KCNJ15: variants seen among roughly 807,000 people sequenced by gnomAD.
The protein encoded by KCNJ15 is potassium inwardly rectifying channel subfamily J member 15, also known as ATP-sensitive inward rectifier potassium channel 15.
A neutral mutation model predicts 23.0 loss-of-function variants in KCNJ15; 14 were observed. The observed-to-expected ratio is 0.61, with a 90% CI of 0.40 to 0.95. The LOEUF is 0.95. Ranked by LOEUF, KCNJ15 falls within the 40% of genes least tolerant of loss-of-function variation. KCNJ15 has a pLI of 0.00. For missense variants in KCNJ15, 388 were observed against 461.8 expected, an observed-to-expected ratio of 0.84 and a Z score of 1.46; for synonymous variants, 185 against 183.2, an observed-to-expected ratio of 1.01 and a Z score of -0.08.
At chr21:38,255,981 G>A (rs1208101956), upstream of KCNJ15, among the ~76,000 whole-genome samples, 9 of 152,128 alleles carry the variant, frequency 5.9e-5, no homozygotes. Context: ...CATTGCCTTT[G>A]GACCAGTGTA....
chr21:38,251,150 A>G (rs981467531), intron 1 of KCNJ15, among the ~76,000 whole-genome samples: 1 of 152,234 alleles, frequency 6.6e-6, no homozygotes, highest in Non-Finnish European at 1.5e-5. Context: ...TGGAGAAGGT[A>G]ACTGTACTTA....
rs1985847201 is a variant in KCNJ15, at chr21:38,302,171, T to TA, written c.*1782_*1783insA. 6.6e-6 allele frequency: 1 copy of TA among 152,254 alleles called. No homozygotes were observed. Among genetic ancestry groups the TA allele is most frequent in the Admixed American group, 6.5e-5 (1 of 15,286 alleles). 9.4% of individuals were successfully genotyped at this position (152,254 alleles called of 1,614,324 possible). A position where few individuals can be genotyped will look rare whatever the true frequency, so the allele number is the denominator to read the frequency against. On this transcript the variant is annotated 3_prime_UTR_variant, in exon 3 of 3. Transcript: ENST00000398938. ...TAAGACAGCAAGTCCTTGACAAATA[T>TA]GTTCATGTCTATTTGGTTCTAGTTC...
intron 1 of KCNJ15, among the ~76,000 whole-genome samples, chr21:38,243,460 C>CACTCTGTT (rs939959711): frequency 1.2e-4 from 18 of 152,000 alleles, no homozygotes; most frequent in African/African-American, 3.9e-4. Context: ...GATGGAGTAT[C>CACTCTGTT]ACCCAGGCTG....
chr21:38,290,311 G>A (rs1427087558), intron 1 of KCNJ15, among the ~76,000 whole-genome samples: 1 of 151,940 alleles, frequency 6.6e-6, no homozygotes, highest in Admixed American at 6.6e-5. Flanking sequence ...TCGCATCGAG[G>A]AGTAAAGGGA....
intron 1 of KCNJ15, among the ~76,000 whole-genome samples, chr21:38,236,828 C>G (rs929819894): frequency 6.6e-6 from 1 of 152,190 alleles, no homozygotes; most frequent in African/African-American, 2.4e-5. Context: ...CTGATTTCTG[C>G]TCCTGAAGTC....
chr21:38,305,080 CAAAAAAAAAA>C lies in KCNJ15; in HGVS notation c.*4699_*4708del, dbSNP rs60094452. 1.0e-5 allele frequency: 1 copy of C among 97,798 alleles called. No individual in the cohort carries two copies. Among genetic ancestry groups the C allele is most frequent in the Non-Finnish European group, 2.0e-5 (1 of 49,138 alleles). The allele number at this position is 97,798 out of a possible 1,614,324, so 6.1% of individuals were successfully genotyped here. A position where few individuals can be genotyped will look rare whatever the true frequency, so the allele number is the denominator to read the frequency against. ...GGGCAACAAAAGTAAAACTCCGTCT[CAAAAAAAAAA>C]AAAAAAAGAAAAAGAAAAAGAAAAG... is the stretch of plus-strand genomic sequence containing the variant. On this transcript the variant is annotated 3_prime_UTR_variant, in exon 3 of 3. Transcript: ENST00000398938.
chr21:38,255,397 T>A (rs1568988926), upstream of KCNJ15, among the ~76,000 whole-genome samples: 2 of 152,212 alleles, frequency 1.3e-5, no homozygotes, highest in Non-Finnish European at 1.5e-5. Flanking sequence ...TTTTAGCATA[T>A]CCTCGCGGGA....
At chr21:38,294,848 T>C (rs1050039935) in intron 1 of KCNJ15, among the ~76,000 whole-genome samples, 1 of 152,212 alleles carries the variant, frequency 6.6e-6, no homozygotes, top group Non-Finnish European at 1.5e-5. Context: ...CATTAATCTT[T>C]TACTGGTTTG....
At chr21:38,287,980 C>T (rs1348461245) in intron 1 of KCNJ15, among the ~76,000 whole-genome samples, 2 of 122,860 alleles carry the variant, frequency 1.6e-5, no homozygotes, top group African/African-American at 5.9e-5. Context: ...GACAGAATTT[C>T]AAAACTTTTT....
intron 1 of KCNJ15, among the ~76,000 whole-genome samples, chr21:38,274,164 T>G (rs1429564569): frequency 6.6e-6 from 1 of 152,208 alleles, no homozygotes; most frequent in Non-Finnish European, 1.5e-5. Context: ...CTGGGCAAAG[T>G]CATGTTAGGT....
At chr21:38,229,978 T>G (rs1988687636) in intron 1 of KCNJ15, among the ~76,000 whole-genome samples, 1 of 152,258 alleles carries the variant, frequency 6.6e-6, no homozygotes, top group African/African-American at 2.4e-5. Context: ...TTGGCTGTTC[T>G]GAAGAGTGTT....
chr21:38,292,443 A>G (rs1003187848), intron 1 of KCNJ15, among the ~76,000 whole-genome samples: 3 of 152,152 alleles, frequency 2.0e-5, no homozygotes, highest in Admixed American at 2.0e-4. Flanking sequence ...TTGCTCCACA[A>G]AATATTAGAA....
chr21:38,275,677 G>A (rs1406324300), intron 1 of KCNJ15, among the ~76,000 whole-genome samples: 1 of 152,134 alleles, frequency 6.6e-6, no homozygotes, highest in Non-Finnish European at 1.5e-5. Flanking sequence ...CAGAGCCAAG[G>A]CATTAGTTCA....
intron 1 of KCNJ15, among the ~76,000 whole-genome samples, chr21:38,286,229 C>G (rs532437501): frequency 6.6e-6 from 1 of 152,026 alleles, no homozygotes; most frequent in Non-Finnish European, 1.5e-5. Context: ...GGTGACAGAG[C>G]GAGACTCCGT....
intron 1 of KCNJ15, among the ~76,000 whole-genome samples, chr21:38,278,159 A>C (rs1601204266): frequency 1.3e-5 from 2 of 152,122 alleles, no homozygotes; most frequent in African/African-American, 4.8e-5. Context: ...TGCTTTCTAT[A>C]ACTGGAAGAT....
At chr21:38,271,602 T>A (rs1982104374) in intron 1 of KCNJ15, among the ~76,000 whole-genome samples, 1 of 152,240 alleles carries the variant, frequency 6.6e-6, no homozygotes, top group Non-Finnish European at 1.5e-5. Context: ...TCATTGCTAA[T>A]GTGGTCCTAT....
chr21:38,279,247 A>G (rs1970360383), intron 1 of KCNJ15, among the ~76,000 whole-genome samples: 1 of 151,828 alleles, frequency 6.6e-6, no homozygotes, highest in Admixed American at 6.5e-5. Context: ...TTTGTGGGCA[A>G]TCAAAGGGAG....
At chr21:38,282,915 A>G (rs1983508412) in intron 1 of KCNJ15, among the ~76,000 whole-genome samples, 2 of 152,106 alleles carry the variant, frequency 1.3e-5, no homozygotes, top group African/African-American at 4.8e-5. Flanking sequence ...GCTGGAGGAG[A>G]TGACATTTGA....
chr21:38,233,798 C>A (rs1978425254), intron 1 of KCNJ15, among the ~76,000 whole-genome samples: 1 of 151,954 alleles, frequency 6.6e-6, no homozygotes, highest in Non-Finnish European at 1.5e-5. Context: ...AATATAGACA[C>A]TTTACTCTTA....
Sources: gnomAD v4.1 joint callset for allele counts (sites outside exome capture counted in the v4.1 genomes callset) on GRCh38, gnomAD v4.1.1 for gene constraint, MANE v1.5 for transcripts, NCBI Gene and HGNC (gene_info 2026-07-23, HGNC 2026-07-21) for gene names.